The following DLG1 variants were observed in gnomAD, a reference collection of about 807,000 sequenced individuals.
DLG1 encodes the protein disks large homolog 1.
DLG1 carries 42 observed loss-of-function variants against 123.4 expected under a neutral mutation model. The ratio of observed to expected loss-of-function variants is 0.34; its 90% CI spans 0.27 to 0.44. DLG1 has a LOEUF of 0.44. Ranked by LOEUF, DLG1 falls within the 20% of genes least tolerant of loss-of-function variation. The pLI, the probability that DLG1 is intolerant of heterozygous loss-of-function variation, is 1.00. For synonymous variants in DLG1, 317 were observed against 356.2 expected (o/e 0.89, Z 1.24); for missense variants, 942 against 1,082.6 (o/e 0.87, Z 1.82).
intron 4 of DLG1, among the ~76,000 whole-genome samples, chr3:197,272,062 C>T (rs540887560): frequency 1.2e-3 from 183 of 152,304 alleles, no homozygotes; most frequent in African/African-American, 4.2e-3. Context: ...TTTCAGATAG[C>T]TCCCCCAGCT....
At chr3:197,141,930 C>T (rs572067862) in intron 7 of DLG1, among the ~76,000 whole-genome samples, 3 of 152,304 alleles carry the variant, frequency 2.0e-5, no homozygotes, top group East Asian at 3.9e-4. Context: ...TGGTCTTGAA[C>T]TTCTGGCCTC....
chr3:197,198,269 C>T (rs1723642110), intron 4 of DLG1, among the ~76,000 whole-genome samples: 3 of 152,116 alleles, frequency 2.0e-5, no homozygotes, highest in Admixed American at 6.5e-5. Flanking sequence ...GTGGGCAGAT[C>T]ACGAGGTCAG....
chr3:197,129,907 T>C (rs903782584), intron 11 of DLG1, among the ~76,000 whole-genome samples: 1 of 152,106 alleles, frequency 6.6e-6, no homozygotes, highest in African/African-American at 2.4e-5. Flanking sequence ...ATTAAAATAG[T>C]AACATCAAAG....
intron 18 of DLG1, chr3:197,069,920 C>A (rs1560459168): frequency 6.6e-6 from 1 of 152,116 alleles, no homozygotes; most frequent in Non-Finnish European, 1.5e-5. Context: ...GTGGCAATTG[C>A]ATTTTAAAAC....
At chr3:197,122,156 TC>T (rs1394490104) in intron 11 of DLG1, among the ~76,000 whole-genome samples, 1 of 151,910 alleles carries the variant, frequency 6.6e-6, no homozygotes, top group Non-Finnish European at 1.5e-5. Flanking sequence ...GTGGGTTTTT[TC>T]CCCCCACAAA....
intron 14 of DLG1, among the ~76,000 whole-genome samples, chr3:197,093,202 A>G (rs1459432347): frequency 6.6e-6 from 1 of 151,666 alleles, no homozygotes; most frequent in Non-Finnish European, 1.5e-5. Flanking sequence ...CTCTGTCACC[A>G]GGCTGGAGTG....
rs533353424 is a variant in DLG1, at chr3:197,086,423, A to G, written c.1662-667T>C. Among the ~76,000 whole-genome samples the G allele has an allele frequency of 1.0e-3, 159 of 152,270 alleles. 1 individual carries two copies. Among genetic ancestry groups the G allele is most frequent in the Admixed American group, 1.9e-3 (29 of 15,288 alleles). On this transcript the variant is annotated intron_variant, in intron 15 of 24. Transcript: ENST00000667157. ...ACTTGATTAATTAATGTACAACATT[A>G]AAATAAATCAAATTCTTAAGTCCAA...
Position 197,186,964 on chromosome 3 carries a change from A to G in DLG1, c.483+7461T>C, listed in dbSNP as rs531902496. ...TACAAAAAAAACCCACCAAAAACCC[A>G]AAGTAACTACAAAGCTAATGTAACG... On this transcript the variant is annotated intron_variant, in intron 5 of 24. Transcript: ENST00000667157. 1.4e-3 allele frequency among the ~76,000 whole-genome samples: 216 copies of G among 152,364 alleles called. 2 individuals are homozygous for G. Among genetic ancestry groups the G allele is most frequent in the Non-Finnish European group, 2.3e-3 (156 of 68,026 alleles).
chr3:197,066,587 ATAT>A (rs1398640915), intron 20 of DLG1, 114 bp downstream of exon 20: 2 of 603,940 alleles, frequency 3.3e-6, no homozygotes, highest in African/African-American at 4.2e-5. Context: ...TTCTACATGT[ATAT>A]GTAGTAAAAA....
intron 4 of DLG1, among the ~76,000 whole-genome samples, chr3:197,272,357 A>T (rs1178079599): frequency 6.6e-6 from 1 of 152,118 alleles, no homozygotes; most frequent in African/African-American, 2.4e-5. Flanking sequence ...TCTAAGGAAA[A>T]AAAAAAGAAA....
chr3:197,093,518 T>C (rs548039524), intron 14 of DLG1, among the ~76,000 whole-genome samples: 2 of 151,944 alleles, frequency 1.3e-5, no homozygotes, highest in Admixed American at 6.6e-5. Flanking sequence ...TAATAGTAAG[T>C]ATATCCAGAA....
chr3:197,219,374 C>T (rs1049751237), intron 4 of DLG1, among the ~76,000 whole-genome samples: 3 of 152,204 alleles, frequency 2.0e-5, no homozygotes, highest in Non-Finnish European at 4.4e-5. Flanking sequence ...ACTTGGCAAT[C>T]TCCCTTGATG....
chr3:197,237,862 G>A (rs1190321258), intron 4 of DLG1, among the ~76,000 whole-genome samples: 7 of 152,140 alleles, frequency 4.6e-5, no homozygotes, highest in South Asian at 2.1e-4. Flanking sequence ...GAGAACTAAC[G>A]GGGAGCTGGA....
At chr3:197,239,489 G>A (rs338183) in intron 4 of DLG1, among the ~76,000 whole-genome samples, 87,308 of 151,802 alleles carry the variant, frequency 0.58, 25,439 homozygotes, top group East Asian at 0.79. Flanking sequence ...TTAAGCCAGC[G>A]CTACCAAATA....
At chr3:197,174,785 GC>G (rs1368333753) in intron 5 of DLG1, among the ~76,000 whole-genome samples, 1 of 151,974 alleles carries the variant, frequency 6.6e-6, no homozygotes, top group East Asian at 1.9e-4. Flanking sequence ...CTTGAACGTG[GC>G]TGTTAAAAAA....
chr3:197,076,720 G>A (rs1449664215), intron 17 of DLG1, 35 bp from the exon 18 acceptor site: 1 of 1,529,164 alleles, frequency 6.5e-7, no homozygotes, highest in Non-Finnish European at 9.1e-7. Flanking sequence ...ACAAAGGGAT[G>A]TCTACTGTCT....
At chr3:197,279,833 T>C (rs1181637335) in intron 4 of DLG1, among the ~76,000 whole-genome samples, 2 of 152,194 alleles carry the variant, frequency 1.3e-5, no homozygotes, top group Non-Finnish European at 2.9e-5. Context: ...ACTTTTCCAA[T>C]CTTAAAGAAT....
chr3:197,288,743 AATAC>A (rs57200229), intron 3 of DLG1, among the ~76,000 whole-genome samples: 6 of 72,074 alleles, frequency 8.3e-5, no homozygotes, highest in African/African-American at 2.2e-4. Context: ...AAAAAAAAAA[AATAC>A]ATACATACAT....
chr3:197,135,451 C>T (rs971006806), intron 10 of DLG1, among the ~76,000 whole-genome samples: 1 of 152,182 alleles, frequency 6.6e-6, no homozygotes, highest in Non-Finnish European at 1.5e-5. Context: ...TGAAGAAGGG[C>T]GTGTTTGCTT....
Sources: gnomAD v4.1 joint callset for allele counts (sites outside exome capture counted in the v4.1 genomes callset) on GRCh38, gnomAD v4.1.1 for gene constraint, MANE v1.5 for transcripts, NCBI Gene and HGNC (gene_info 2026-07-23, HGNC 2026-07-21) for gene names.